The following RECK variants were observed in gnomAD, a reference collection of about 807,000 sequenced individuals.
The protein encoded by RECK is reversion inducing cysteine rich protein with kazal motifs.
RECK carries 69 observed loss-of-function variants against 115.1 expected under a neutral mutation model. The observed-to-expected ratio is 0.60, with a 90% CI of 0.49 to 0.73. The LOEUF (loss-of-function observed/expected upper bound fraction) is 0.73, where lower values mean the gene tolerates loss of function less well. Ranked by LOEUF, RECK falls within the 30% of genes least tolerant of loss-of-function variation. The probability of loss-of-function intolerance (pLI) is 0.00; values close to 1 mark genes in which losing one functional copy is unlikely to be tolerated. For missense variants in RECK, 1,047 were observed against 1,203.7 expected, an observed-to-expected ratio of 0.87 and a Z score of 1.93; for synonymous variants, 414 against 419.7, an observed-to-expected ratio of 0.99 and a Z score of 0.17.
chr9:36,043,105 A>G (rs1345237694), intron 1 of RECK, among the ~76,000 whole-genome samples: 3 of 133,058 alleles, frequency 2.3e-5, no homozygotes, highest in African/African-American at 8.6e-5. Flanking sequence ...GCTCACTGCA[A>G]GCTCCGCCTC....
Position 36,123,127 on chromosome 9 carries a change from G to A in RECK, c.*82G>A. On this transcript the variant is annotated 3_prime_UTR_variant, in exon 21 of 21. Coordinates refer to ENST00000377966, the MANE Select transcript of RECK (RefSeq NM_021111.3). ...CATTCAGGACTGCTGGTTTGTAGTT[G>A]AATATTGGCCAAGGAAAGGCACATG... The A allele has an allele frequency of 8.8e-7, 1 of 1,131,276 alleles. No homozygotes were observed. Among genetic ancestry groups the A allele is most frequent in the Non-Finnish European group, 1.3e-6 (1 of 789,868 alleles). 70.1% of individuals were successfully genotyped at this position (1,131,276 alleles called of 1,614,324 possible). A position where few individuals can be genotyped will look rare whatever the true frequency, so the allele number is the denominator to read the frequency against.
At chr9:36,070,661 T>G (rs1387377903) in intron 6 of RECK, among the ~76,000 whole-genome samples, 2 of 152,192 alleles carry the variant, frequency 1.3e-5, no homozygotes, top group African/African-American at 4.8e-5. Context: ...AGTAAAGACT[T>G]ACTGGATTCA....
chr9:36,123,763 G>A lies in RECK; in HGVS notation c.*718G>A, dbSNP rs184771768. On this transcript the variant is annotated 3_prime_UTR_variant, in exon 21 of 21. Transcript: ENST00000377966. Reference sequence around the variant, plus strand: ...AAGTGACATTGCATCAAAGCATCTTGCATTATGCAATTTTTATATTAACCA... The same window carrying A: ...AAGTGACATTGCATCAAAGCATCTTACATTATGCAATTTTTATATTAACCA... 1.0e-3 allele frequency: 152 copies of A among 152,308 alleles called. 3 individuals carry two copies. The highest frequency in any genetic ancestry group is 3.4e-3 in the African/African-American group (140 of 41,556). 9.4% of individuals were successfully genotyped at this position (152,308 alleles called of 1,614,324 possible). A position where few individuals can be genotyped will look rare whatever the true frequency, so the allele number is the denominator to read the frequency against.
chr9:36,065,797 GT>G (rs1018604888), intron 6 of RECK, among the ~76,000 whole-genome samples, 173 bp downstream of exon 6: 15 of 152,208 alleles, frequency 9.9e-5, no homozygotes, highest in African/African-American at 3.4e-4. Flanking sequence ...TATGATTTTA[GT>G]TGATTTTTGT....
At chr9:36,122,049 G>A (rs1330231609) in intron 20 of RECK, among the ~76,000 whole-genome samples, 1 of 152,206 alleles carries the variant, frequency 6.6e-6, no homozygotes, top group Non-Finnish European at 1.5e-5. Flanking sequence ...AGGAACTGGT[G>A]CAGGTCATGC....
intron 1 of RECK, among the ~76,000 whole-genome samples, chr9:36,042,339 A>G (rs1450917228): frequency 2.0e-5 from 3 of 151,722 alleles, no homozygotes; most frequent in African/African-American, 7.3e-5. Flanking sequence ...GGGTTACTTC[A>G]CTTAGAATAA....
chr9:36,049,372 G>T (rs184922817), intron 1 of RECK, among the ~76,000 whole-genome samples: 1 of 152,264 alleles, frequency 6.6e-6, no homozygotes, highest in East Asian at 1.9e-4. Flanking sequence ...ACACATGGCT[G>T]TTCTTTCTGG....
chr9:36,087,611 G>T (rs1588313616), intron 8 of RECK, 83 bp from the exon 9 acceptor site: 2 of 1,415,914 alleles, frequency 1.4e-6, no homozygotes, highest in South Asian at 2.7e-5. Context: ...TGCACATTCT[G>T]CACATGTATC....
At position 36,117,077 on chromosome 9, in the gene RECK, A is replaced by G. The variant is rs759923693; in HGVS notation, c.2153A>G (p.Gln718Arg). The change falls in exon 17 of 21, where the codon CAG (glutamine) becomes CGG (arginine). Residue 718 changes from glutamine (Q) to arginine (R), a missense_variant. By Grantham distance (43) the Gln-to-Arg change is conservative (BLOSUM62 1). Coordinates refer to ENST00000377966, the MANE Select transcript of RECK (RefSeq NM_021111.3). ...GTACCAAGACAGCTCGCGTGTGACCAGGTCCAAGATCCTGTTTGTGACACA... is the reference window on the plus strand; with the variant it reads ...GTACCAAGACAGCTCGCGTGTGACCGGGTCCAAGATCCTGTTTGTGACACA... ...ECVPRQLACDQVQDPVCDTDH... is the reference protein window; with the variant it reads ...ECVPRQLACDRVQDPVCDTDH... The G allele has an allele frequency of 6.2e-6, 10 of 1,614,206 alleles. No individual in the cohort carries two copies. Among genetic ancestry groups the G allele is most frequent in the Non-Finnish European group, 8.5e-6 (10 of 1,180,006 alleles).
rs538904035 is a variant in RECK, at chr9:36,102,841, A to G, written c.1435+611A>G. 7.9e-5 allele frequency among the ~76,000 whole-genome samples: 12 copies of G among 151,398 alleles called. No homozygotes were observed. The South Asian group carries it at 2.1e-3, about 26-fold the overall frequency. ...CGTGGTGGCGGGCGCCTGTAGTCCC[A>G]GCTACTCCGGAGGCCGAGGCAGGAG... On this transcript the variant is annotated intron_variant, in intron 12 of 20. Coordinates refer to ENST00000377966, the MANE Select transcript of RECK (RefSeq NM_021111.3).
chr9:36,081,978 C>A (rs1366492590), intron 7 of RECK, among the ~76,000 whole-genome samples: 1 of 151,924 alleles, frequency 6.6e-6, no homozygotes, highest in African/African-American at 2.4e-5. Flanking sequence ...GAGACTTGTC[C>A]TATATCAGTT....
In RECK at chr9:36,118,868, G is replaced by A; in HGVS notation, c.2365G>A (p.Ala789Thr). Residue 789 changes from alanine to threonine, a missense_variant, in exon 18 of 21, where the codon GCC becomes ACC. Coordinates refer to ENST00000377966, the MANE Select transcript of RECK (RefSeq NM_021111.3). ...AGTCGATTACTATGGGGACTGCCAGGCCGTCGGAGTCCTCTCAGAGCACAG... is the reference window on the plus strand; with the variant it reads ...AGTCGATTACTATGGGGACTGCCAGACCGTCGGAGTCCTCTCAGAGCACAG... ...VAVDYYGDCQ[A>T]VGVLSEHSSV... 1.2e-6 allele frequency: 2 copies of A among 1,614,074 alleles called. No homozygotes were observed. Among genetic ancestry groups the A allele is most frequent in the South Asian group, 1.1e-5 (1 of 91,070 alleles).
intron 1 of RECK, 75 bp from the exon 2 acceptor site, chr9:36,052,190 G>A (rs1379295615): frequency 2.3e-6 from 2 of 867,756 alleles, no homozygotes; most frequent in African/African-American, 1.7e-5. Flanking sequence ...TAAATGGTTT[G>A]TGTAACCATC....
At chr9:36,060,202 C>A in intron 4 of RECK, 47 bp downstream of exon 4, 2 of 1,566,186 alleles carry the variant, frequency 1.3e-6, no homozygotes, top group Non-Finnish European at 1.8e-6. Flanking sequence ...TAAAAACTTA[C>A]TGTGTGAATG....
At chr9:36,065,256 T>A (rs1214226068) in intron 5 of RECK, among the ~76,000 whole-genome samples, 210 of 68,906 alleles carry the variant, frequency 3.0e-3, no homozygotes, top group Middle Eastern at 0.016. Context: ...AAAAAAAAAA[T>A]CCTCTGATTT....
At chr9:36,064,981 C>G (rs1014778854) in intron 5 of RECK, among the ~76,000 whole-genome samples, 4 of 152,188 alleles carry the variant, frequency 2.6e-5, no homozygotes, top group South Asian at 2.1e-4. Context: ...CTTGCTACTT[C>G]TCTAAGCACC....
At chr9:36,100,588 C>A in intron 11 of RECK, 45 bp downstream of exon 11, 1 of 1,422,174 alleles carries the variant, frequency 7.0e-7, no homozygotes, top group Non-Finnish European at 9.9e-7. Flanking sequence ...TAGTTCAGAC[C>A]CTCCGTGATC....
At chr9:36,064,935 TTATA>T (rs1168268768) in intron 5 of RECK, among the ~76,000 whole-genome samples, 1 of 152,130 alleles carries the variant, frequency 6.6e-6, no homozygotes, top group East Asian at 1.9e-4. Flanking sequence ...TTGGCTTCTT[TTATA>T]TAGAAAGTAT....
chr9:36,075,284 G>A (rs565473998), intron 6 of RECK, among the ~76,000 whole-genome samples: 77 of 152,350 alleles, frequency 5.1e-4, no homozygotes, highest in Non-Finnish European at 9.0e-4. Flanking sequence ...GTGCTAGGCT[G>A]TCTTCTAGAC....
Sources: gnomAD v4.1 joint callset for allele counts (sites outside exome capture counted in the v4.1 genomes callset) on GRCh38, gnomAD v4.1.1 for gene constraint, MANE v1.5 for transcripts, NCBI Gene and HGNC (gene_info 2026-07-23, HGNC 2026-07-21) for gene names.